The following EXOC6 variants were observed in gnomAD, a reference collection of about 807,000 sequenced individuals.
EXOC6 encodes the protein SEC15-like 1.
In EXOC6, 60 loss-of-function variants were observed where a neutral mutation model predicts 112.5. The ratio of observed to expected loss-of-function variants is 0.53; its 90% confidence interval spans 0.43 to 0.66. EXOC6 has a LOEUF of 0.66. Among genes scored for constraint, EXOC6 ranks in the 30% least tolerant of loss-of-function variants. The probability of loss-of-function intolerance (pLI) is 0.00; values close to 1 mark genes in which losing one functional copy is unlikely to be tolerated. For synonymous variants in EXOC6, 295 were observed against 308.0 expected (o/e 0.96, Z 0.44); for missense variants, 855 against 957.1 (o/e 0.89, Z 1.41).
At position 92,915,765 on chromosome 10, in the gene EXOC6, A is replaced by G; in HGVS notation, c.671A>G (p.His224Arg). The change falls in exon 7 of 22, where the codon CAT becomes CGT. Residue 224 changes from histidine to arginine, a missense_variant. By Grantham distance (29) the His-to-Arg change is conservative (BLOSUM62 0). This residue lies in a region of EXOC6 where 405 missense variants were observed against 393.6 expected (regional missense o/e 1.03). Transcript: ENST00000260762. ...IGETAMKQAQ[H>R]QKTFSVSLQK... ...TCTCTCTCTTCAAAATAGGCACAGC[A>G]TCAGAAAACCTTCAGTGTTTCTCTG... The G allele has an allele frequency of 2.0e-6, 3 of 1,524,662 alleles. No individual in the cohort carries two copies. Among genetic ancestry groups the G allele is most frequent in the Admixed American group, 2.6e-5 (1 of 38,968 alleles). 94.4% of individuals were successfully genotyped at this position (1,524,662 alleles called of 1,614,324 possible).
intron 1 of EXOC6, among the ~76,000 whole-genome samples, chr10:92,849,021 G>C (rs1847191512): frequency 6.6e-6 from 1 of 152,104 alleles, no homozygotes; most frequent in Non-Finnish European, 1.5e-5. Context: ...GCTCGGCCGC[G>C]GGCATGCCAG....
intron 6 of EXOC6, among the ~76,000 whole-genome samples, chr10:92,911,636 C>G (rs1421622995): frequency 6.6e-6 from 1 of 152,006 alleles, no homozygotes; most frequent in Non-Finnish European, 1.5e-5. Flanking sequence ...CTCTCTTGGT[C>G]CACTATCATT....
upstream of EXOC6, among the ~76,000 whole-genome samples, chr10:92,846,031 G>A (rs910328168): frequency 4.6e-5 from 7 of 152,214 alleles, no homozygotes; most frequent in African/African-American, 7.2e-5. Context: ...AGGTACTCAC[G>A]GAACTGTCAG....
At chr10:93,037,115 A>G (rs1312118037) in intron 20 of EXOC6, among the ~76,000 whole-genome samples, 4 of 146,556 alleles carry the variant, frequency 2.7e-5, no homozygotes, top group African/African-American at 1.0e-4. Context: ...ATTAATTCAC[A>G]TTTTTGCCAA....
chr10:93,013,382 G>A (rs887266986), intron 19 of EXOC6, among the ~76,000 whole-genome samples: 1 of 152,074 alleles, frequency 6.6e-6, no homozygotes, highest in Non-Finnish European at 1.5e-5. Flanking sequence ...GAGGCAGGTG[G>A]ATTGCCTGAG....
chr10:92,837,097 A>AACACACACACACACAC (rs58871930), intron 1 of EXOC6, among the ~76,000 whole-genome samples: 38 of 139,778 alleles, frequency 2.7e-4, no homozygotes, highest in Non-Finnish European at 3.4e-4. Context: ...GTTATAACAT[A>AACACACACACACACAC]ACACACACAC....
intron 19 of EXOC6, among the ~76,000 whole-genome samples, chr10:93,009,610 T>A (rs1159125047): frequency 6.6e-6 from 1 of 152,108 alleles, no homozygotes; most frequent in Non-Finnish European, 1.5e-5. Flanking sequence ...TAAGCCAACC[T>A]GCAGGGATAA....
chr10:92,950,282 T>G (rs1339337786), intron 14 of EXOC6, among the ~76,000 whole-genome samples: 1 of 152,126 alleles, frequency 6.6e-6, no homozygotes, highest in Non-Finnish European at 1.5e-5. Flanking sequence ...TATATAAAAC[T>G]ATCAAATAAC....
chr10:93,042,995 G>A (rs896442711), intron 20 of EXOC6, among the ~76,000 whole-genome samples: 2 of 151,638 alleles, frequency 1.3e-5, no homozygotes, highest in Non-Finnish European at 2.9e-5. Context: ...GGAGTGCAGT[G>A]GCGCAATCTT....
chr10:92,888,857 T>C (rs1023970899), intron 1 of EXOC6, among the ~76,000 whole-genome samples: 1 of 152,226 alleles, frequency 6.6e-6, no homozygotes, highest in Non-Finnish European at 1.5e-5. Flanking sequence ...TTGTTATATA[T>C]GTTAATTGTG....
chr10:92,936,629 A>G (rs955774954), intron 12 of EXOC6, among the ~76,000 whole-genome samples: 2 of 152,252 alleles, frequency 1.3e-5, no homozygotes, highest in Non-Finnish European at 2.9e-5. Context: ...CAAAAAAATA[A>G]GATTTTTCTT....
chr10:92,902,407 TTGTC>T lies in EXOC6; in HGVS notation c.458+2766_458+2769del, dbSNP rs570052084. On this transcript the variant is annotated intron_variant, in intron 5 of 21. Coordinates refer to ENST00000260762, the MANE Select transcript of EXOC6 (RefSeq NM_019053.6). ...TCTTCTTTGACATTTTAAAATCTCT[TTGTC>T]TGCTTGCTCTTTTTTCTATGAGATT... Among the ~76,000 whole-genome samples the T allele has an allele frequency of 5.8e-4, 88 of 152,220 alleles. No individual in the cohort carries two copies. The South Asian group carries it at 5.8e-3, about 10-fold the overall frequency.
chr10:92,973,913 AAAAC>A, intron 17 of EXOC6, 136 bp from the exon 18 acceptor site: 1 of 692,680 alleles, frequency 1.4e-6, no homozygotes, highest in Non-Finnish European at 2.3e-6. Flanking sequence ...CCAGAAAAAA[AAAAC>A]CAACAGTTTT....
At chr10:92,948,935 CA>C (rs1390748407) in intron 14 of EXOC6, among the ~76,000 whole-genome samples, 3 of 152,086 alleles carry the variant, frequency 2.0e-5, no homozygotes, top group Non-Finnish European at 2.9e-5. Context: ...GTCAAGATAA[CA>C]AAACACAGGG....
At chr10:92,852,590 G>T (rs997402519) in intron 1 of EXOC6, among the ~76,000 whole-genome samples, 4 of 152,122 alleles carry the variant, frequency 2.6e-5, no homozygotes, top group Non-Finnish European at 5.9e-5. Context: ...TCATGATCAA[G>T]TGAGGTTTAT....
intron 14 of EXOC6, among the ~76,000 whole-genome samples, chr10:92,950,221 GTA>G (rs1177979466): frequency 6.6e-6 from 1 of 152,014 alleles, no homozygotes; most frequent in East Asian, 1.9e-4. Flanking sequence ...GGTTGTGTGT[GTA>G]TATTTTTTCC....
upstream of EXOC6, among the ~76,000 whole-genome samples, chr10:92,832,694 T>TTG (rs1178564615): frequency 6.7e-6 from 1 of 148,792 alleles, no homozygotes; most frequent in East Asian, 2.0e-4. Flanking sequence ...ATAAAGAACT[T>TTG]TTTTTTTTTT....
At chr10:92,844,815 C>G (rs1416941018), upstream of EXOC6, among the ~76,000 whole-genome samples, 1 of 152,106 alleles carries the variant, frequency 6.6e-6, no homozygotes, top group African/African-American at 2.4e-5. Context: ...TTAATTCACA[C>G]TTGAAGAACG....
At chr10:92,975,409 G>C (rs1842489538) in intron 18 of EXOC6, among the ~76,000 whole-genome samples, 1 of 149,880 alleles carries the variant, frequency 6.7e-6, no homozygotes, top group Non-Finnish European at 1.5e-5. Context: ...CCTCCGCCCG[G>C]CAGCCACCCC....
Sources: gnomAD v4.1 joint callset for allele counts (sites outside exome capture counted in the v4.1 genomes callset) on GRCh38, gnomAD v4.1.1 for gene constraint, gnomAD v4.1.1 regional missense constraint, MANE v1.5 for transcripts, NCBI Gene and HGNC (gene_info 2026-07-23, HGNC 2026-07-21) for gene names.